Variants in NEDD4 observed in about 807,000 individuals in gnomAD.
NEDD4 encodes E3 ubiquitin-protein ligase NEDD4.
A neutral mutation model predicts 144.9 loss-of-function variants in NEDD4; 99 were observed. That is an observed-to-expected ratio of 0.68 (90% CI 0.58 to 0.81). The LOEUF (loss-of-function observed/expected upper bound fraction) is 0.81, where lower values mean the gene tolerates loss of function less well. NEDD4 is among the 30% of genes least tolerant of loss of function. NEDD4 has a pLI of 0.00. For missense variants in NEDD4, 985 were observed against 1,065.9 expected (o/e 0.92, Z 1.06); for synonymous variants, 318 against 350.6 (o/e 0.91, Z 1.04).
At chr15:55,924,514 C>T in intron 5 of NEDD4, 132 bp downstream of exon 5, 1 of 688,706 alleles carries the variant, frequency 1.5e-6, no homozygotes, top group Non-Finnish European at 2.5e-6. Flanking sequence ...ATCTCCCTCA[C>T]CATTTTGCCC....
chr15:55,842,981 C>G (rs1048093746), intron 18 of NEDD4, among the ~76,000 whole-genome samples: 1 of 152,168 alleles, frequency 6.6e-6, no homozygotes, highest in African/African-American at 2.4e-5. Context: ...ATGGGAAGAA[C>G]CTGGTGGGAG....
At chr15:55,977,352 G>C (rs1330708484) in intron 1 of NEDD4, among the ~76,000 whole-genome samples, 2 of 152,106 alleles carry the variant, frequency 1.3e-5, no homozygotes, top group Non-Finnish European at 2.9e-5. Context: ...GGAAGAATAG[G>C]CTATATCACA....
At chr15:55,966,616 AT>A (rs553785995) in intron 1 of NEDD4, 70 bp from the exon 2 acceptor site, 5 of 672,530 alleles carry the variant, frequency 7.4e-6, no homozygotes, top group African/African-American at 5.6e-5. Context: ...TTTTTAAAAA[AT>A]ATATATCAAA....
intron 5 of NEDD4, among the ~76,000 whole-genome samples, chr15:55,896,276 GGTTCAT>G (rs1364258692): frequency 5.3e-5 from 8 of 152,118 alleles, no homozygotes; most frequent in African/African-American, 1.9e-4. Context: ...CCACCTCCTG[GGTTCAT>G]GCAATTCTCC....
rs759843153 is a variant in NEDD4 at position 55,869,631 on chromosome 15, G to A, written c.455C>T (p.Pro152Leu). The change falls in exon 8 of 29, where the codon CCT becomes CTT. Residue 152 changes from proline to leucine, a missense_variant. Coordinates refer to ENST00000435532, the MANE Select transcript of NEDD4 (RefSeq NM_006154.4). ...ATCATCTTCTGAGCCACTGGTTTTAGGTAAATAAGTCATTTTTAGTCTCAG... is the reference window on the plus strand; with the variant it reads ...ATCATCTTCTGAGCCACTGGTTTTAAGTAAATAAGTCATTTTTAGTCTCAG... ...GYLRLKMTYL[P>L]KTSGSEDDNA... 2.5e-6 allele frequency: 4 copies of A among 1,583,294 alleles called. No individual in the cohort carries two copies. The highest frequency in any genetic ancestry group is 2.3e-5 in the East Asian group (1 of 43,856).
At chr15:55,849,218 CATG>C (rs1274808829) in intron 14 of NEDD4, among the ~76,000 whole-genome samples, 1 of 152,074 alleles carries the variant, frequency 6.6e-6, no homozygotes, top group African/African-American at 2.4e-5. Context: ...AATTGGACCA[CATG>C]ATATTTCTTT....
chr15:55,953,186 C>T (rs566655362), intron 2 of NEDD4, among the ~76,000 whole-genome samples: 7 of 152,060 alleles, frequency 4.6e-5, no homozygotes, highest in South Asian at 2.1e-4. Context: ...GACAGGGCTT[C>T]ACCATGTTGG....
chr15:55,941,742 T>C (rs572993929), intron 4 of NEDD4, among the ~76,000 whole-genome samples: 11 of 152,226 alleles, frequency 7.2e-5, no homozygotes, highest in African/African-American at 2.6e-4. Flanking sequence ...TTTTGTATAC[T>C]TTTTTTCTTT....
chr15:55,894,114 C>T (rs1273574450), intron 5 of NEDD4, among the ~76,000 whole-genome samples: 1 of 152,070 alleles, frequency 6.6e-6, no homozygotes, highest in Non-Finnish European at 1.5e-5. Context: ...CATTCCATGT[C>T]TTAAGTTTGT....
In NEDD4 at chr15:55,924,712, C is replaced by A; in HGVS notation, c.238-13G>T. 6.2e-7 allele frequency: 1 copy of A among 1,603,060 alleles called. No homozygotes were observed. The highest frequency in any genetic ancestry group is 1.1e-5 in the South Asian group (1 of 88,830). On this transcript the variant is annotated splice_polypyrimidine_tract_variant and intron_variant, in intron 4 of 28. Transcript: ENST00000435532. ...GCTGAGGATGAACCTAAGAAAAACA[C>A]AATCTTTATTTAAAAACAAGTAAAC...
chr15:55,836,855 C>T (rs1275274637), intron 24 of NEDD4, among the ~76,000 whole-genome samples: 1 of 151,632 alleles, frequency 6.6e-6, no homozygotes, highest in Non-Finnish European at 1.5e-5. Flanking sequence ...GATAAGGTCT[C>T]CCTATGTTGT....
intron 5 of NEDD4, chr15:55,915,927 G>C (rs778350213): frequency 6.2e-7 from 1 of 1,614,002 alleles, no homozygotes. Flanking sequence ...TTCACTAGGA[G>C]AAATAATAAA....
At chr15:55,837,736 C>A in intron 24 of NEDD4, 53 bp downstream of exon 24, 1 of 1,365,080 alleles carries the variant, frequency 7.3e-7, no homozygotes, top group South Asian at 1.2e-5. Flanking sequence ...ATATTTGAAA[C>A]TTATAGGTTA....
intron 5 of NEDD4, chr15:55,915,881 T>A (rs2142210055): frequency 6.2e-7 from 1 of 1,613,972 alleles, no homozygotes; most frequent in African/African-American, 1.3e-5. Flanking sequence ...TTGAAAGAAA[T>A]CCTTTAGCAC....
intron 1 of NEDD4, among the ~76,000 whole-genome samples, chr15:55,973,558 A>T (rs1461763276): frequency 6.6e-6 from 1 of 152,162 alleles, no homozygotes; most frequent in African/African-American, 2.4e-5. Context: ...AAATTTAAAA[A>T]ATTAAAATCT....
chr15:55,865,457 T>C (rs2142046047), intron 8 of NEDD4, among the ~76,000 whole-genome samples: 1 of 151,976 alleles, frequency 6.6e-6, no homozygotes, highest in East Asian at 1.9e-4. Flanking sequence ...CACTGTTAAG[T>C]ATGACACCAA....
At chr15:55,875,733 CAG>C (rs1460218408) in intron 5 of NEDD4, among the ~76,000 whole-genome samples, 1 of 151,956 alleles carries the variant, frequency 6.6e-6, no homozygotes, top group African/African-American at 2.4e-5. Flanking sequence ...GATATAGAGA[CAG>C]AATTTATCTA....
intron 4 of NEDD4, among the ~76,000 whole-genome samples, chr15:55,926,583 C>A (rs2036669469): frequency 6.6e-6 from 1 of 152,096 alleles, no homozygotes; most frequent in Non-Finnish European, 1.5e-5. Flanking sequence ...GCCTGGGCAT[C>A]ATAGGGAGAC....
chr15:55,882,343 G>C (rs998386511), intron 5 of NEDD4, among the ~76,000 whole-genome samples: 13 of 152,162 alleles, frequency 8.5e-5, no homozygotes, highest in Non-Finnish European at 1.5e-4. Context: ...GTATGGCATG[G>C]AGAATCCGTG....
Sources: allele counts gnomAD v4.1 joint callset (sites outside exome capture counted in the v4.1 genomes callset), GRCh38; gene constraint gnomAD v4.1.1; transcripts MANE v1.5; gene names NCBI Gene and HGNC (gene_info 2026-07-23, HGNC 2026-07-21).